The following CHUK variants were observed in gnomAD, a reference collection of about 807,000 sequenced individuals.
CHUK encodes component of inhibitor of nuclear factor kappa B kinase complex.
A neutral mutation model predicts 104.8 loss-of-function variants in CHUK; 35 were observed. The ratio of observed to expected loss-of-function variants is 0.33; its 90% CI spans 0.26 to 0.44. The LOEUF (loss-of-function observed/expected upper bound fraction) is 0.44. CHUK is among the 20% of genes least tolerant of loss of function. The pLI is 1.00. For missense variants in CHUK, 663 were observed against 902.7 expected (o/e 0.73, Z 3.40); for synonymous variants, 276 against 291.9 (o/e 0.95, Z 0.56).
At chr10:100,224,976 A>C (rs1358235810) in intron 2 of CHUK, among the ~76,000 whole-genome samples, 1 of 151,762 alleles carries the variant, frequency 6.6e-6, no homozygotes, top group Non-Finnish European at 1.5e-5. Flanking sequence ...CAGCCTCCCA[A>C]GTAACTGGGA....
chr10:100,215,875 C>G (rs1359947234), intron 9 of CHUK, among the ~76,000 whole-genome samples: 1 of 152,212 alleles, frequency 6.6e-6, no homozygotes, highest in African/African-American at 2.4e-5. Context: ...CGCCCTCACC[C>G]TTTCCCTAAA....
At chr10:100,228,847 T>G (rs1195447348) in intron 1 of CHUK, among the ~76,000 whole-genome samples, 1 of 152,036 alleles carries the variant, frequency 6.6e-6, no homozygotes, top group Non-Finnish European at 1.5e-5. Flanking sequence ...CAACTCACCC[T>G]CATACTGTCC....
At chr10:100,199,245 T>C (rs1415801505) in intron 16 of CHUK, among the ~76,000 whole-genome samples, 1 of 152,216 alleles carries the variant, frequency 6.6e-6, no homozygotes, top group Admixed American at 6.5e-5. Flanking sequence ...GCAATCTGCT[T>C]TGGCCTAGAA....
In CHUK at chr10:100,205,061, A is replaced by G; in HGVS notation, c.1355+15T>C. ...GCACATTGCATTGTGCTTATAAACA[A>G]CAGAATCCACTTACATTGCTGCCCT... is the stretch of plus-strand genomic sequence containing the variant. On this transcript the variant is annotated intron_variant, in intron 12 of 20. Transcript: ENST00000370397. 1 of 1,614,100 alleles carries G rather than the reference A, an allele frequency of 6.2e-7. No homozygotes were observed. The highest frequency in any genetic ancestry group is 1.1e-5 in the South Asian group (1 of 91,080).
At chr10:100,223,079 G>T (rs1846027062) in intron 2 of CHUK, 99 bp from the exon 3 acceptor site, 5 of 665,556 alleles carry the variant, frequency 7.5e-6, no homozygotes, top group Non-Finnish European at 1.1e-5. Flanking sequence ...GAACAGAGGG[G>T]GAAAGATCAG....
In CHUK at chr10:100,222,993, A is replaced by G. The variant is rs1564841525; in HGVS notation, c.201-13T>C. 7.4e-7 allele frequency: 1 copy of G among 1,343,222 alleles called. No homozygotes were observed. Among genetic ancestry groups the G allele is most frequent in the Non-Finnish European group, 1.1e-6 (1 of 934,354 alleles). The allele number at this position is 1,343,222 out of a possible 1,614,324, so 83.2% of individuals were successfully genotyped here. On this transcript the variant is annotated splice_polypyrimidine_tract_variant and intron_variant, in intron 2 of 20. Coordinates refer to ENST00000370397, the MANE Select transcript of CHUK (RefSeq NM_001278.5). The stretch of plus-strand genomic sequence containing the variant: ...GGCATGGTTCAACCTAATAAGAAAG[A>G]AAAACATTACAATAAAAAAAATTAT...
rs536608711 is a variant in CHUK, at chr10:100,195,173, A to T, written c.1730-652T>A. 2.0e-5 allele frequency: 3 copies of T among 152,336 alleles called. No individual in the cohort carries two copies. In the South Asian group the frequency reaches 6.2e-4, roughly 32 times the overall value. 9.4% of individuals were successfully genotyped at this position (152,336 alleles called of 1,614,324 possible). ...TTAAAATGTGACCTCGATTTTAAAAAAAAATCATTAATTGTTATATTTCAG... is the reference window on the plus strand; with the variant it reads ...TTAAAATGTGACCTCGATTTTAAAATAAAATCATTAATTGTTATATTTCAG... On this transcript the variant is annotated intron_variant, in intron 16 of 20. Transcript: ENST00000370397.
In CHUK at chr10:100,218,097, C is replaced by G. The variant is rs61732515; in HGVS notation, c.831G>C (p.Gln277His). The part of the protein sequence containing the change: ...LVVEPMENWL[Q>H]LMLNWDPQQR... Reference sequence around the variant, plus strand: ...GCTGAGGGTCCCAATTCAACATCAACTGTAGCCAGTTTTCCATGGGTTCTA... The same window carrying G: ...GCTGAGGGTCCCAATTCAACATCAAGTGTAGCCAGTTTTCCATGGGTTCTA... The change falls in exon 9 of 21, where the codon CAG (glutamine) becomes CAC (histidine). Residue 277 changes from glutamine (Q) to histidine (H), a missense_variant. By Grantham distance (24) the Gln-to-His change is conservative. Transcript: ENST00000370397. The G allele has an allele frequency of 6.2e-7, 1 of 1,613,036 alleles. No individual in the cohort carries two copies. The highest frequency in any genetic ancestry group is 8.5e-7 in the Non-Finnish European group (1 of 1,179,030).
intron 13 of CHUK, 80 bp downstream of exon 13, chr10:100,204,426 T>C: frequency 1.8e-6 from 2 of 1,126,488 alleles, no homozygotes; most frequent in South Asian, 1.2e-5. Flanking sequence ...GTAAAACAAC[T>C]GGCTGAGTTA....
intron 1 of CHUK, among the ~76,000 whole-genome samples, chr10:100,228,079 A>T (rs1846144424): frequency 6.6e-6 from 1 of 152,236 alleles, no homozygotes; most frequent in South Asian, 2.1e-4. Flanking sequence ...AGGTGCTAAC[A>T]GTTGAGGGCT....
At chr10:100,225,837 A>G (rs1272769038) in intron 2 of CHUK, 86 bp downstream of exon 2, 1 of 791,054 alleles carries the variant, frequency 1.3e-6, no homozygotes, top group Non-Finnish European at 2.3e-6. Flanking sequence ...AGATCCTGAG[A>G]AGAGTGGATT....
downstream of CHUK, chr10:100,188,250 G>T (rs1174240467): frequency 1.3e-5 from 2 of 152,462 alleles, no homozygotes; most frequent in African/African-American, 4.8e-5. Context: ...TATTCCTAAG[G>T]AAAGTACAGT....
chr10:100,223,014 A>T (rs1846025700), intron 2 of CHUK, 34 bp from the exon 3 acceptor site: 1 of 1,089,172 alleles, frequency 9.2e-7, no homozygotes, highest in Non-Finnish European at 1.4e-6. Context: ...AATAAAAAAA[A>T]TTATTTCCAA....
chr10:100,214,265 A>G (rs1017871360), intron 9 of CHUK, among the ~76,000 whole-genome samples: 75 of 152,308 alleles, frequency 4.9e-4, no homozygotes, highest in Non-Finnish European at 3.1e-4. Context: ...GTAGGTACAT[A>G]CTATTGGTAC....
At chr10:100,187,251 G>A (rs1845058781), downstream of CHUK, 1 of 152,286 alleles carries the variant, frequency 6.6e-6, no homozygotes, top group Non-Finnish European at 1.5e-5. Context: ...CTGTTGGCAA[G>A]GAAGTCAAGT....
intron 17 of CHUK, 108 bp from the exon 18 acceptor site, chr10:100,194,239 GACTTATCTCC>G: frequency 7.7e-7 from 1 of 1,305,924 alleles, no homozygotes; most frequent in South Asian, 1.2e-5. Context: ...CAGATTTAAT[GACTTATCTCC>G]AAAGTAATGC....
At chr10:100,228,772 C>T (rs944896412) in intron 1 of CHUK, among the ~76,000 whole-genome samples, 2 of 152,130 alleles carry the variant, frequency 1.3e-5, no homozygotes, top group African/African-American at 4.8e-5. Flanking sequence ...CTGTCCTCCA[C>T]CTACTAGAGC....
rs563550560 is a variant in CHUK at position 100,188,610 on chromosome 10, T to G, written c.*988A>C. 1.3e-5 allele frequency: 2 copies of G among 152,538 alleles called. No individual in the cohort carries two copies. The highest frequency in any genetic ancestry group is 4.8e-5 in the African/African-American group (2 of 41,442). 9.4% of individuals were successfully genotyped at this position (152,538 alleles called of 1,614,324 possible). A position where few individuals can be genotyped will look rare whatever the true frequency, so the allele number is the denominator to read the frequency against. On this transcript the variant is annotated 3_prime_UTR_variant, in exon 21 of 21. Transcript: ENST00000370397. The stretch of plus-strand genomic sequence containing the variant: ...TCACCACAGTCTGTGGCAGCAGCCC[T>G]CCCTCTCATCATCAAGCAGCAAAAT...
chr10:100,222,018 A>G, intron 4 of CHUK, 94 bp downstream of exon 4: 3 of 701,560 alleles, frequency 4.3e-6, no homozygotes, highest in Non-Finnish European at 5.2e-6. Flanking sequence ...TAGACTTTGT[A>G]TAGTGTATCA....
Sources: allele counts gnomAD v4.1 joint callset (sites outside exome capture counted in the v4.1 genomes callset), GRCh38; gene constraint gnomAD v4.1.1; transcripts MANE v1.5; gene names NCBI Gene and HGNC (gene_info 2026-07-23, HGNC 2026-07-21).